The following FLNB variants were observed in gnomAD, a reference collection of about 807,000 sequenced individuals.
The protein encoded by FLNB is filamin B.
Under a neutral mutation model 250.6 loss-of-function variants are expected in FLNB, and 111 were observed. That is an observed-to-expected ratio of 0.44 (90% CI 0.38 to 0.52). The LOEUF (loss-of-function observed/expected upper bound fraction) is 0.52. FLNB is among the 20% of genes least tolerant of loss of function. The pLI, the probability that FLNB is intolerant of heterozygous loss-of-function variation, is 0.00. For synonymous variants in FLNB, 1,302 were observed against 1,372.1 expected, an observed-to-expected ratio of 0.95 and a Z score of 1.13; for missense variants, 2,869 against 3,447.8, an observed-to-expected ratio of 0.83 and a Z score of 4.20.
Position 58,112,255 on chromosome 3 carries a change from G to T in FLNB, c.2682G>T (p.Lys894Asn), listed in dbSNP as rs758870543. The change falls in exon 18 of 46, where the codon AAG becomes AAT. Residue 894 changes from lysine to asparagine, a missense_variant. Physicochemically the swap from Lys to Asn is moderately conservative, Grantham distance 94. Transcript: ENST00000295956. ...GCCCTCTTCCTGGCGATGCAGTGAA[G>T]GATTTGGATATCATCGATAATTATG... ...FNSPLPGDAV[K>N]DLDIIDNYDY... is the part of the protein sequence containing the mutation. The T allele has an allele frequency of 6.8e-6, 11 of 1,614,124 alleles. No homozygotes were observed. Among genetic ancestry groups the T allele is most frequent in the Non-Finnish European group, 8.5e-6 (10 of 1,180,022 alleles).
intron 26 of FLNB, among the ~76,000 whole-genome samples, chr3:58,133,608 G>A (rs2107216498): frequency 6.6e-6 from 1 of 152,018 alleles, no homozygotes; most frequent in African/African-American, 2.4e-5. Context: ...CTTGATAAAA[G>A]CATTTCCAAA....
intron 1 of FLNB, among the ~76,000 whole-genome samples, chr3:58,049,144 T>C (rs987608867): frequency 2.0e-5 from 3 of 152,254 alleles, no homozygotes; most frequent in Non-Finnish European, 4.4e-5. Flanking sequence ...TTACAAGTCG[T>C]TGCGTAGGAC....
At chr3:58,161,400 ATGGAGATGTT>A (rs1159864053) in intron 42 of FLNB, among the ~76,000 whole-genome samples, 1 of 152,186 alleles carries the variant, frequency 6.6e-6, no homozygotes, top group Non-Finnish European at 1.5e-5. Flanking sequence ...CAATACCCAA[ATGGAGATGTT>A]TACTAGATCA....
chr3:58,151,506 A>G (rs1451851253), intron 38 of FLNB: 1 of 151,730 alleles, frequency 6.6e-6, no homozygotes, highest in African/African-American at 2.4e-5. Flanking sequence ...CTTGGTTCAC[A>G]TTTTAGGTAC....
chr3:58,008,966 A>G lies in FLNB; in HGVS notation c.292+110A>G, dbSNP rs1202982862. 6.7e-6 allele frequency: 9 copies of G among 1,350,242 alleles called. No homozygotes were observed. The Admixed American group carries it at 1.6e-4, about 23-fold the overall frequency. The allele number at this position is 1,350,242 out of a possible 1,614,324, so 83.6% of individuals were successfully genotyped here. A position where few individuals can be genotyped will look rare whatever the true frequency, so the allele number is the denominator to read the frequency against. On this transcript the variant is annotated intron_variant, in intron 1 of 45. Transcript: ENST00000295956. Reference sequence around the variant, plus strand: ...CGCAGCGCGCCCCCACCTCGGAGATAAGGGGGAGTCGTCCCCAGGGGTGGG... The same window carrying G: ...CGCAGCGCGCCCCCACCTCGGAGATGAGGGGGAGTCGTCCCCAGGGGTGGG...
chr3:58,064,269 T>C (rs976615671), intron 1 of FLNB, among the ~76,000 whole-genome samples: 12 of 152,156 alleles, frequency 7.9e-5, no homozygotes, highest in Non-Finnish European at 1.6e-4. Context: ...GCCTCCCAAA[T>C]AGCTGGAACT....
At chr3:58,158,831 A>C (rs2097357094) in intron 41 of FLNB, among the ~76,000 whole-genome samples, 1 of 152,150 alleles carries the variant, frequency 6.6e-6, no homozygotes, top group Non-Finnish European at 1.5e-5. Context: ...CTCTAAATGC[A>C]TATTAATATT....
At chr3:58,137,642 AG>A (rs2097318727) in intron 28 of FLNB, among the ~76,000 whole-genome samples, 1 of 152,214 alleles carries the variant, frequency 6.6e-6, no homozygotes, top group African/African-American at 2.4e-5. Flanking sequence ...TCCTGTGTAA[AG>A]GGGCGCCAGA....
rs1174805764 is a variant in FLNB, at chr3:58,024,701, C to CTTTTT, written c.292+15868_292+15872dup. ...ATTTCTGGTCTTCTGGCCAAGCCTC[C>CTTTTT]TTTTTTTTTTTTTTTTTTTTTTTTT... On this transcript the variant is annotated intron_variant, in intron 1 of 45. Transcript: ENST00000295956. Among the ~76,000 whole-genome samples the CTTTTT allele has an allele frequency of 2.1e-3, 173 of 83,734 alleles. 15 individuals carry two copies. The highest frequency in any genetic ancestry group is 7.2e-3 in the African/African-American group (161 of 22,428). The allele number at this position is 83,734 out of a possible 152,430, so 54.9% of individuals were successfully genotyped here.
chr3:58,115,723 G>A (rs768506011), intron 18 of FLNB, among the ~76,000 whole-genome samples: 4 of 152,110 alleles, frequency 2.6e-5, no homozygotes, highest in Admixed American at 2.0e-4. Context: ...TCAAGGAGCC[G>A]GGTGGGCCTT....
At chr3:58,125,478 CA>C in intron 22 of FLNB, 102 bp from the exon 23 acceptor site, 1 of 1,307,158 alleles carries the variant, frequency 7.7e-7, no homozygotes, top group South Asian at 1.2e-5. Context: ...CATAGTATAG[CA>C]TGCAGACTTC....
At chr3:58,148,390 G>A (rs1288752224) in intron 35 of FLNB, 26 bp downstream of exon 35, 15 of 1,607,470 alleles carry the variant, frequency 9.3e-6, no homozygotes, top group Non-Finnish European at 1.2e-5. Flanking sequence ...CTTCCTGGCT[G>A]GAGCCAGGAC....
rs893205956 is a variant in FLNB at position 58,142,040 on chromosome 3, T to C, written c.5181+111T>C. 3.4e-6 allele frequency: 3 copies of C among 874,504 alleles called. No homozygotes were observed. In the Admixed American group the frequency reaches 5.6e-5, roughly 16 times the overall value. 54.2% of individuals were successfully genotyped at this position (874,504 alleles called of 1,614,324 possible). A position where few individuals can be genotyped will look rare whatever the true frequency, so the allele number is the denominator to read the frequency against. The stretch of plus-strand genomic sequence containing the variant: ...TTAAGCCCTGTGGGTGTCCTGGTCA[T>C]TGGTGTGCCCCTCACTGATCAGCCC... On this transcript the variant is annotated intron_variant, in intron 30 of 45. Transcript: ENST00000295956. The surrounding 1 kb of genome is among the most constrained non-coding windows in gnomAD (Gnocchi z 4.3).
chr3:58,030,083 C>T (rs187074359), intron 1 of FLNB, among the ~76,000 whole-genome samples: 26 of 152,186 alleles, frequency 1.7e-4, no homozygotes, highest in Middle Eastern at 6.8e-3. Flanking sequence ...TGGTAGTAAG[C>T]GAGGCAAAGG....
chr3:58,018,718 A>G (rs1475347434), intron 1 of FLNB, among the ~76,000 whole-genome samples: 2 of 151,978 alleles, frequency 1.3e-5, no homozygotes, highest in Non-Finnish European at 2.9e-5. Context: ...GGGTTTCAGC[A>G]TGTTGGCCAG....
rs541459266 is a variant in FLNB at position 58,162,941 on chromosome 3, G to GATT, written c.7022-212_7022-210dup. ...TCAGAGTCTTGTCCTGTGTTTATAGGATTTGCAATGTGGATGCGTTTCCCT... is the reference window on the plus strand; with the variant it reads ...TCAGAGTCTTGTCCTGTGTTTATAGGATTATTTGCAATGTGGATGCGTTTCCCT... On this transcript the variant is annotated intron_variant, in intron 42 of 45. Coordinates refer to ENST00000295956, the MANE Select transcript of FLNB (RefSeq NM_001457.4). The GATT allele has an allele frequency of 3.4e-3, 2,061 of 604,604 alleles. 9 individuals carry two copies. The highest frequency in any genetic ancestry group is 7.5e-3 in the Middle Eastern group (17 of 2,278). The allele number at this position is 604,604 out of a possible 1,614,324, so 37.5% of individuals were successfully genotyped here.
At chr3:58,128,668 G>A (rs959116585) in intron 24 of FLNB, among the ~76,000 whole-genome samples, 1 of 152,156 alleles carries the variant, frequency 6.6e-6, no homozygotes, top group Admixed American at 6.5e-5. Context: ...GACCTGGCAG[G>A]CAACAGTGGA....
chr3:58,072,785 A>G (rs995903384), intron 1 of FLNB, among the ~76,000 whole-genome samples: 2 of 152,326 alleles, frequency 1.3e-5, no homozygotes, highest in Admixed American at 6.5e-5. Flanking sequence ...CTTGAATTCA[A>G]TTGGAAACAG....
intron 29 of FLNB, 25 bp from the exon 30 acceptor site, chr3:58,141,833 C>T: frequency 6.2e-7 from 1 of 1,610,198 alleles, no homozygotes; most frequent in Non-Finnish European, 8.5e-7. Flanking sequence ...TGGTTCCCAA[C>T]TAATCTCCAT....
Sources: gnomAD v4.1 joint callset for allele counts (sites outside exome capture counted in the v4.1 genomes callset) on GRCh38, gnomAD v4.1.1 for gene constraint, Gnocchi (gnomAD v3.1) non-coding constraint, MANE v1.5 for transcripts, NCBI Gene and HGNC (gene_info 2026-07-23, HGNC 2026-07-21) for gene names.